Variants in SYNPR observed in about 807,000 individuals in gnomAD.
SYNPR encodes synaptoporin.
Under a neutral mutation model 32.9 loss-of-function variants are expected in SYNPR, and 23 were observed. That is an observed-to-expected ratio of 0.70 (90% CI 0.50 to 0.99). The LOEUF (loss-of-function observed/expected upper bound fraction) is 0.99, where lower values mean the gene tolerates loss of function less well. Among genes scored for constraint, SYNPR ranks in the 50% least tolerant of loss-of-function variants. SYNPR has a pLI of 0.00. For missense variants in SYNPR, 318 were observed against 349.3 expected (o/e 0.91, Z 0.71); for synonymous variants, 146 against 135.9 (o/e 1.07, Z -0.52).
intron 1 of SYNPR, among the ~76,000 whole-genome samples, chr3:63,238,467 T>C (rs2086215177): frequency 6.6e-6 from 1 of 151,864 alleles, no homozygotes; most frequent in Non-Finnish European, 1.5e-5. Flanking sequence ...ACTCTCCGCG[T>C]CCCCCTTCCC....
intron 4 of SYNPR, among the ~76,000 whole-genome samples, chr3:63,605,398 C>T (rs372950848): frequency 6.6e-6 from 1 of 152,238 alleles, no homozygotes; most frequent in Admixed American, 6.5e-5. Flanking sequence ...GAATTCTGGA[C>T]AGAGGGAACA....
chr3:63,444,374 C>T (rs994132181), intron 2 of SYNPR: 3 of 152,090 alleles, frequency 2.0e-5, no homozygotes, highest in Non-Finnish European at 4.4e-5. Flanking sequence ...TTATTCTAGA[C>T]AGGGATGAGA....
intron 3 of SYNPR, among the ~76,000 whole-genome samples, chr3:63,511,129 TTGGGAATCATGGACCCTGAGTAC>T (rs72191771): frequency 0.38 from 56,950 of 151,244 alleles, 10,771 homozygotes; most frequent in Non-Finnish European, 0.42. Flanking sequence ...TTTTTGGGTA[TTGGGAATCATGGACCCTGAGTAC>T]TGGGAATCAT....
intron 2 of SYNPR, among the ~76,000 whole-genome samples, chr3:63,296,474 G>C (rs927954039): frequency 6.6e-6 from 1 of 152,118 alleles, no homozygotes; most frequent in Non-Finnish European, 1.5e-5. Flanking sequence ...AGCCTAGTCT[G>C]GTGGATGAAT....
At chr3:63,345,406 C>T (rs1335677377) in intron 2 of SYNPR, among the ~76,000 whole-genome samples, 3 of 152,194 alleles carry the variant, frequency 2.0e-5, no homozygotes, top group African/African-American at 7.2e-5. Context: ...CATAATTTTG[C>T]ATAGTCAGTT....
rs754309054 is a variant in SYNPR, at chr3:63,480,827, C to T, written c.85-5C>T. 3.7e-6 allele frequency: 6 copies of T among 1,612,654 alleles called. No homozygotes were observed. In the African/African-American group the frequency reaches 8.0e-5, roughly 22 times the overall value. ...GCCTTCTATTTGTTTAATTGTTCTC[C>T]ACAGCTTTTTGCAATCTTTGCATTT... On this transcript the variant is annotated splice_region_variant and splice_polypyrimidine_tract_variant and intron_variant, in intron 2 of 5. Coordinates refer to ENST00000478300, the MANE Select transcript of SYNPR (RefSeq NM_001130003.2).
chr3:63,560,244 T>C (rs75694315), intron 4 of SYNPR, among the ~76,000 whole-genome samples: 5,726 of 152,256 alleles, frequency 0.038, 395 homozygotes, highest in African/African-American at 0.13. Context: ...ATAAAGTTAA[T>C]TTAAAGATGA....
chr3:63,489,358 C>T (rs563318078), intron 3 of SYNPR, among the ~76,000 whole-genome samples: 1 of 152,224 alleles, frequency 6.6e-6, no homozygotes, highest in Non-Finnish European at 1.5e-5. Context: ...GCAGACCTAG[C>T]ATGTGCCTAC....
At chr3:63,463,296 A>G (rs1199544085) in intron 2 of SYNPR, among the ~76,000 whole-genome samples, 4 of 152,174 alleles carry the variant, frequency 2.6e-5, no homozygotes, top group African/African-American at 9.7e-5. Context: ...GGATTTTCTT[A>G]ATAGATACAG....
intron 3 of SYNPR, among the ~76,000 whole-genome samples, chr3:63,503,721 T>C (rs911169475): frequency 6.6e-6 from 1 of 152,088 alleles, no homozygotes; most frequent in African/African-American, 2.4e-5. Context: ...TTGTTTCTAC[T>C]GGATTAAAAA....
chr3:63,375,372 C>G (rs1414294402), intron 2 of SYNPR, among the ~76,000 whole-genome samples: 2 of 152,126 alleles, frequency 1.3e-5, no homozygotes, highest in African/African-American at 4.8e-5. Flanking sequence ...ACATATACAC[C>G]ATGGAATACT....
intron 3 of SYNPR, among the ~76,000 whole-genome samples, chr3:63,551,426 T>A (rs1034674041): frequency 6.6e-6 from 1 of 152,182 alleles, no homozygotes; most frequent in Non-Finnish European, 1.5e-5. Context: ...CTCTTGGGTA[T>A]GTATCTAGGA....
At chr3:63,317,972 T>C (rs183683616) in intron 2 of SYNPR, among the ~76,000 whole-genome samples, 4 of 152,142 alleles carry the variant, frequency 2.6e-5, no homozygotes. Flanking sequence ...CTCTCAGCAT[T>C]TGTTTGTCTG....
At chr3:63,260,875 GAA>G (rs202160886) in intron 2 of SYNPR, among the ~76,000 whole-genome samples, 1 of 144,578 alleles carries the variant, frequency 6.9e-6, no homozygotes, top group Non-Finnish European at 1.5e-5. Flanking sequence ...AAATTTACAA[GAA>G]AAAAAAAAAC....
At chr3:63,529,161 G>A (rs1019955464) in intron 3 of SYNPR, among the ~76,000 whole-genome samples, 49 of 152,112 alleles carry the variant, frequency 3.2e-4, no homozygotes, top group Non-Finnish European at 6.6e-4. Context: ...CAGTATCCAT[G>A]GGGGACCCCT....
intron 2 of SYNPR, among the ~76,000 whole-genome samples, chr3:63,324,186 G>A (rs1419227753): frequency 1.3e-5 from 2 of 151,716 alleles, no homozygotes; most frequent in African/African-American, 4.9e-5. Context: ...TACAACAGTT[G>A]TGTAAGTATT....
intron 2 of SYNPR, among the ~76,000 whole-genome samples, chr3:63,369,208 G>C (rs1249929355): frequency 6.6e-6 from 1 of 152,170 alleles, no homozygotes; most frequent in Non-Finnish European, 1.5e-5. Flanking sequence ...GGCAACAAGA[G>C]GGTGGCTGTC....
chr3:63,344,298 A>G (rs1301700388), intron 2 of SYNPR, among the ~76,000 whole-genome samples: 1 of 152,092 alleles, frequency 6.6e-6, no homozygotes, highest in Admixed American at 6.6e-5. Flanking sequence ...CTTCTCTCCT[A>G]CCTATCTTAT....
chr3:63,552,040 G>A (rs1431770780), intron 3 of SYNPR, among the ~76,000 whole-genome samples: 1 of 151,938 alleles, frequency 6.6e-6, no homozygotes, highest in African/African-American at 2.4e-5. Context: ...TGGGATTACA[G>A]GTGCCCGCCA....
Sources: allele counts gnomAD v4.1 joint callset (sites outside exome capture counted in the v4.1 genomes callset), GRCh38; gene constraint gnomAD v4.1.1; transcripts MANE v1.5; gene names NCBI Gene and HGNC (gene_info 2026-07-23, HGNC 2026-07-21).